Variants in ITPR2 observed in about 807,000 individuals in gnomAD.
ITPR2 encodes inositol 1,4,5-trisphosphate-gated calcium channel ITPR2.
A neutral mutation model predicts 317.1 loss-of-function variants in ITPR2; 207 were observed. That is an observed-to-expected ratio of 0.65 (90% CI 0.58 to 0.73). The LOEUF is 0.73. Ranked by LOEUF, ITPR2 falls within the 30% of genes least tolerant of loss-of-function variation. ITPR2 has a pLI of 0.00. For synonymous variants in ITPR2, 1,156 were observed against 1,149.1 expected (o/e 1.01, Z -0.12); for missense variants, 2,613 against 3,284.0 (o/e 0.80, Z 4.99).
At chr12:26,680,947 T>C (rs1285047631) in intron 13 of ITPR2, among the ~76,000 whole-genome samples, 1 of 152,186 alleles carries the variant, frequency 6.6e-6, no homozygotes, top group Non-Finnish European at 1.5e-5. Flanking sequence ...TGCTAGTTAC[T>C]GCCAAACTAT....
chr12:26,741,427 AG>A (rs1450359801), intron 2 of ITPR2, among the ~76,000 whole-genome samples: 2 of 152,248 alleles, frequency 1.3e-5, no homozygotes, highest in Non-Finnish European at 2.9e-5. Context: ...GCTGGGTACA[AG>A]TCAGGACCTC....
At chr12:26,739,388 A>G (rs1313849642) in intron 2 of ITPR2, among the ~76,000 whole-genome samples, 2 of 152,252 alleles carry the variant, frequency 1.3e-5, no homozygotes, top group Admixed American at 6.5e-5. Context: ...TTTCCCAAAA[A>G]TGGGGGAAAA....
chr12:26,564,627 G>A (rs564109739), intron 34 of ITPR2, among the ~76,000 whole-genome samples: 3 of 152,288 alleles, frequency 2.0e-5, no homozygotes, highest in African/African-American at 7.2e-5. Context: ...AAGAAGGGAA[G>A]GAGAGACACA....
At chr12:26,457,360 G>A (rs1318495719) in intron 45 of ITPR2, among the ~76,000 whole-genome samples, 1 of 152,180 alleles carries the variant, frequency 6.6e-6, no homozygotes, top group Admixed American at 6.5e-5. Flanking sequence ...GACGAAAGTG[G>A]CCAGAGAGAG....
intron 37 of ITPR2, among the ~76,000 whole-genome samples, chr12:26,536,935 G>C (rs1446582430): frequency 6.6e-6 from 1 of 152,170 alleles, no homozygotes; most frequent in Non-Finnish European, 1.5e-5. Context: ...AATAACAATG[G>C]GAAACCACAG....
chr12:26,539,192 C>A (rs761411729), intron 37 of ITPR2, among the ~76,000 whole-genome samples: 2 of 152,154 alleles, frequency 1.3e-5, no homozygotes, highest in Non-Finnish European at 2.9e-5. Flanking sequence ...TTATCCAGAG[C>A]CTTTCTATTC....
At chr12:26,669,694 G>A (rs563480969) in intron 13 of ITPR2, among the ~76,000 whole-genome samples, 1 of 152,304 alleles carries the variant, frequency 6.6e-6, no homozygotes, top group East Asian at 1.9e-4. Flanking sequence ...CAGACAGTGG[G>A]CGCAGGTCAG....
rs373517310 is a variant in ITPR2, at chr12:26,465,374, C to T, written c.6342+9922G>A. Among the ~76,000 whole-genome samples, 20 of 151,932 alleles carry T rather than the reference C, an allele frequency of 1.3e-4. 1 individual carries two copies. In the East Asian group the frequency reaches 3.1e-3, roughly 24 times the overall value. ...CTCACCAAGAGTGGTTTAGGTGGAA[C>T]GGTGAAAATGAAAGCCTGGCAGAAA... is the stretch of plus-strand genomic sequence containing the variant. On this transcript the variant is annotated intron_variant, in intron 45 of 56. Coordinates refer to ENST00000381340, the MANE Select transcript of ITPR2 (RefSeq NM_002223.4).
chr12:26,503,190 A>AACACACACACACACACACAC (rs57271500), intron 37 of ITPR2, among the ~76,000 whole-genome samples: 15,833 of 138,878 alleles, frequency 0.11, 1,432 homozygotes, highest in Non-Finnish European at 0.17. Context: ...GCCCCCCACC[A>AACACACACACACACACACAC]ACACACACAC....
At chr12:26,350,902 A>T (rs1361843582) in intron 55 of ITPR2, among the ~76,000 whole-genome samples, 1 of 152,236 alleles carries the variant, frequency 6.6e-6, no homozygotes, top group East Asian at 1.9e-4. Context: ...CATCAGCTAC[A>T]TCTGCTCATG....
intron 2 of ITPR2, among the ~76,000 whole-genome samples, chr12:26,742,168 T>A (rs1949241555): frequency 6.6e-6 from 1 of 152,116 alleles, no homozygotes; most frequent in African/African-American, 2.4e-5. Context: ...AATGAGTGCT[T>A]TTGCCCACCA....
intron 45 of ITPR2, among the ~76,000 whole-genome samples, chr12:26,466,149 T>G (rs1303590440): frequency 6.6e-6 from 1 of 152,232 alleles, no homozygotes; most frequent in Non-Finnish European, 1.5e-5. Context: ...TAAACACACT[T>G]CAACATTAAT....
At chr12:26,822,620 A>G (rs1950953764) in intron 1 of ITPR2, among the ~76,000 whole-genome samples, 1 of 152,236 alleles carries the variant, frequency 6.6e-6, no homozygotes. Context: ...ACTATGAAAT[A>G]CTAGGGATGG....
intron 2 of ITPR2, among the ~76,000 whole-genome samples, chr12:26,764,024 G>A (rs1471409502): frequency 6.6e-6 from 1 of 152,080 alleles, no homozygotes; most frequent in African/African-American, 2.4e-5. Context: ...CAAAGGAACA[G>A]AACAGATAGC....
chr12:26,774,349 G>A (rs185132981), intron 2 of ITPR2, among the ~76,000 whole-genome samples: 1 of 152,192 alleles, frequency 6.6e-6, no homozygotes, highest in Admixed American at 6.5e-5. Flanking sequence ...TAAAAATTAT[G>A]GTTCTTAGCC....
At chr12:26,417,290 A>G (rs1940748962) in intron 50 of ITPR2, among the ~76,000 whole-genome samples, 2 of 152,302 alleles carry the variant, frequency 1.3e-5, no homozygotes, top group South Asian at 2.1e-4. Flanking sequence ...AAGATAAAAG[A>G]CCAGAGGAAA....
At position 26,621,187 on chromosome 12, in the gene ITPR2, C is replaced by T. The variant is rs750559292; in HGVS notation, c.3398G>A (p.Ser1133Asn). The change falls in exon 26 of 57, where the codon AGC becomes AAC. Residue 1133 changes from serine to asparagine, a missense_variant. Transcript: ENST00000381340. ...VEKSELWVEK[S>N]SNYENGEIGE... ...TATTTCTCCATTCTCATAGTTGCTG[C>T]TCTTCTCCACCCATAGCTCAGACTT... 2.5e-6 allele frequency: 4 copies of T among 1,613,964 alleles called. No homozygotes were observed. Among genetic ancestry groups the T allele is most frequent in the South Asian group, 1.1e-5 (1 of 91,060 alleles).
chr12:26,595,291 A>T (rs1294599349), intron 32 of ITPR2, among the ~76,000 whole-genome samples, 174 bp downstream of exon 32: 1 of 152,246 alleles, frequency 6.6e-6, no homozygotes, highest in African/African-American at 2.4e-5. Context: ...TATTTTGTGT[A>T]TATATTAACT....
At chr12:26,464,374 T>C (rs1942116641) in intron 45 of ITPR2, among the ~76,000 whole-genome samples, 1 of 152,192 alleles carries the variant, frequency 6.6e-6, no homozygotes, top group Non-Finnish European at 1.5e-5. Context: ...GGACGTTACC[T>C]AGATCCCTCA....
Sources: gnomAD v4.1 joint callset for allele counts (sites outside exome capture counted in the v4.1 genomes callset) on GRCh38, gnomAD v4.1.1 for gene constraint, MANE v1.5 for transcripts, NCBI Gene and HGNC (gene_info 2026-07-23, HGNC 2026-07-21) for gene names.